The following GALNTL6 variants were observed in gnomAD, a reference collection of about 807,000 sequenced individuals.
GALNTL6 encodes the protein polypeptide N-acetylgalactosaminyltransferase-like 6.
GALNTL6 carries 46 observed loss-of-function variants against 73.7 expected under a neutral mutation model. The observed-to-expected ratio is 0.62, with a 90% confidence interval of 0.49 to 0.80. GALNTL6 has a LOEUF of 0.80. Among genes scored for constraint, GALNTL6 ranks in the 30% least tolerant of loss-of-function variants. The pLI is 0.00. For missense variants in GALNTL6, 604 were observed against 755.0 expected, an observed-to-expected ratio of 0.80 and a Z score of 2.34; for synonymous variants, 259 against 263.7, an observed-to-expected ratio of 0.98 and a Z score of 0.17.
At chr4:172,624,686 A>G (rs1053936978) in intron 5 of GALNTL6, among the ~76,000 whole-genome samples, 3 of 152,132 alleles carry the variant, frequency 2.0e-5, no homozygotes, top group Admixed American at 2.0e-4. Flanking sequence ...CAATTAGATC[A>G]TACAATGTGT....
chr4:171,848,814 C>T (rs1735444262), intron 2 of GALNTL6, among the ~76,000 whole-genome samples: 1 of 152,204 alleles, frequency 6.6e-6, no homozygotes, highest in African/African-American at 2.4e-5. Context: ...TTTGTTTGAT[C>T]TATCCAAAGC....
At chr4:172,352,017 G>A (rs1741959808) in intron 5 of GALNTL6, among the ~76,000 whole-genome samples, 1 of 152,040 alleles carries the variant, frequency 6.6e-6, no homozygotes, top group South Asian at 2.1e-4. Context: ...CAATATTTTA[G>A]ACATGTCATT....
intron 7 of GALNTL6, among the ~76,000 whole-genome samples, chr4:172,847,849 G>A (rs1743597710): frequency 6.6e-6 from 1 of 152,052 alleles, no homozygotes; most frequent in Admixed American, 6.6e-5. Flanking sequence ...AAACTCCCAG[G>A]GAGAGTGCAC....
intron 2 of GALNTL6, among the ~76,000 whole-genome samples, chr4:172,051,689 T>C (rs1431328190): frequency 1.3e-5 from 2 of 152,152 alleles, no homozygotes; most frequent in Non-Finnish European, 1.5e-5. Flanking sequence ...GAAGTTTATA[T>C]GGGCACAGGA....
intron 3 of GALNTL6, among the ~76,000 whole-genome samples, chr4:172,248,722 TCTTGTG>T (rs901865557): frequency 9.2e-5 from 14 of 152,068 alleles, no homozygotes; most frequent in African/African-American, 3.4e-4. Context: ...CCCATGCTAT[TCTTGTG>T]ATAATGAGTA....
chr4:172,330,548 T>G (rs570760685), intron 4 of GALNTL6, among the ~76,000 whole-genome samples: 1 of 152,306 alleles, frequency 6.6e-6, no homozygotes, highest in South Asian at 2.1e-4. Flanking sequence ...TTGTGCCCTC[T>G]TTTTCTCTCC....
chr4:172,608,158 A>C (rs1219948323), intron 5 of GALNTL6, among the ~76,000 whole-genome samples: 1 of 151,770 alleles, frequency 6.6e-6, no homozygotes, highest in East Asian at 1.9e-4. Context: ...CTCGATTTTC[A>C]TTTGTGTTGC....
chr4:172,338,467 C>T (rs548734903), intron 4 of GALNTL6, among the ~76,000 whole-genome samples: 12 of 151,766 alleles, frequency 7.9e-5, no homozygotes, highest in African/African-American at 2.7e-4. Context: ...GATTTCTGTT[C>T]TTTCCCTCTA....
chr4:172,913,244 A>G (rs1015586462), intron 8 of GALNTL6, among the ~76,000 whole-genome samples: 1 of 152,230 alleles, frequency 6.6e-6, no homozygotes, highest in Non-Finnish European at 1.5e-5. Context: ...GGTCACCATC[A>G]TCAAAGACCA....
chr4:172,916,331 T>C (rs1561031638), intron 8 of GALNTL6, among the ~76,000 whole-genome samples: 1 of 152,148 alleles, frequency 6.6e-6, no homozygotes. Context: ...CTTTGAAAAC[T>C]GGCACAAGAC....
At chr4:172,086,778 A>T (rs1732046031) in intron 2 of GALNTL6, among the ~76,000 whole-genome samples, 2 of 152,070 alleles carry the variant, frequency 1.3e-5, no homozygotes, top group Admixed American at 1.3e-4. Context: ...GCAAGAACAA[A>T]TTTTCTCATA....
chr4:172,586,019 G>A (rs1737397255), intron 5 of GALNTL6, among the ~76,000 whole-genome samples: 1 of 152,198 alleles, frequency 6.6e-6, no homozygotes, highest in Non-Finnish European at 1.5e-5. Flanking sequence ...ATAGATGCTG[G>A]TGAGGCTATG....
At chr4:172,404,596 TC>T (rs1744146642) in intron 5 of GALNTL6, among the ~76,000 whole-genome samples, 1 of 152,084 alleles carries the variant, frequency 6.6e-6, no homozygotes, top group African/African-American at 2.4e-5. Flanking sequence ...TTGGCTTTCT[TC>T]TTTAATTATA....
intron 2 of GALNTL6, among the ~76,000 whole-genome samples, chr4:171,946,047 A>T (rs1440198639): frequency 6.6e-6 from 1 of 152,200 alleles, no homozygotes; most frequent in East Asian, 1.9e-4. Flanking sequence ...ATGTGATAGT[A>T]GAAAGAGGTT....
intron 5 of GALNTL6, among the ~76,000 whole-genome samples, chr4:172,606,630 C>CTATATATATAGTATATATATACTA (rs1180203834): frequency 5.3e-5 from 2 of 37,536 alleles, no homozygotes; most frequent in Non-Finnish European, 1.5e-4. Flanking sequence ...TATATATATA[C>CTATATATATAGTATATATATACTA]TATATATATA....
chr4:171,864,872 G>T (rs1560818818), intron 2 of GALNTL6, among the ~76,000 whole-genome samples: 1 of 152,102 alleles, frequency 6.6e-6, no homozygotes, highest in African/African-American at 2.4e-5. Flanking sequence ...GAGAAAATGG[G>T]AGCCAGTGAA....
At chr4:172,826,735 ATC>A (rs2111040789) in intron 7 of GALNTL6, among the ~76,000 whole-genome samples, 1 of 152,298 alleles carries the variant, frequency 6.6e-6, no homozygotes, top group South Asian at 2.1e-4. Flanking sequence ...TCTTTCCTGA[ATC>A]TCAGGTCACT....
rs1752429540 is a variant in GALNTL6 at position 173,009,158 on chromosome 4, ATTCT to A, written c.1372-14_1372-11del. The A allele has an allele frequency of 3.2e-6, 5 of 1,567,062 alleles. No individual in the cohort carries two copies. In the East Asian group the frequency reaches 1.1e-4, roughly 35 times the overall value. ...AATACGACATAGCCCCACACTCAAA[ATTCT>A]TTCTTCTTTCCACAGATCCGAAATG... On this transcript the variant is annotated splice_polypyrimidine_tract_variant and intron_variant, in intron 10 of 12. Coordinates refer to ENST00000506823, the MANE Select transcript of GALNTL6 (RefSeq NM_001034845.3).
chr4:172,373,744 A>G (rs1412731575), intron 5 of GALNTL6, among the ~76,000 whole-genome samples: 4 of 152,176 alleles, frequency 2.6e-5, no homozygotes, highest in Admixed American at 2.6e-4. Context: ...TGGGACTTTC[A>G]GGCATAACAA....
Sources: allele counts gnomAD v4.1 joint callset (sites outside exome capture counted in the v4.1 genomes callset), GRCh38; gene constraint gnomAD v4.1.1; transcripts MANE v1.5; gene names NCBI Gene and HGNC (gene_info 2026-07-23, HGNC 2026-07-21).